DNM2: variants seen among roughly 807,000 people sequenced by gnomAD.
DNM2 encodes dynamin 2, also known as dynamin-2.
A neutral mutation model predicts 99.0 loss-of-function variants in DNM2; 15 were observed. The ratio of observed to expected loss-of-function variants is 0.15; its 90% CI spans 0.10 to 0.23. DNM2 has a LOEUF of 0.23. DNM2 is among the 10% of genes least tolerant of loss of function. DNM2 has a pLI of 1.00. For missense variants in DNM2, 742 were observed against 1,189.4 expected (o/e 0.62, Z 5.53); for synonymous variants, 525 against 481.2 (o/e 1.09, Z -1.19).
intron 1 of DNM2, among the ~76,000 whole-genome samples, chr19:10,720,221 T>A (rs1265063736): frequency 5.3e-5 from 8 of 150,536 alleles, no homozygotes; most frequent in East Asian, 1.9e-4. Context: ...TATTTATTTT[T>A]TTTTTTTTTG....
chr19:10,728,824 G>A (rs2069195008), intron 1 of DNM2, among the ~76,000 whole-genome samples: 1 of 151,738 alleles, frequency 6.6e-6, no homozygotes, highest in South Asian at 2.1e-4. Flanking sequence ...GTACTTGTCT[G>A]TCGTCCCAGC....
rs1167729247 is a variant in DNM2, at chr19:10,801,618, A to AC, written c.1423-670_1423-669insC. Reference sequence around the variant, plus strand: ...AAGTTCTTTTCTCAAAAAAAAAAAAAAAAAAAAGCCAGGCGCAGTGGCTCA... The same window carrying AC: ...AAGTTCTTTTCTCAAAAAAAAAAAAACAAAAAAAGCCAGGCGCAGTGGCTCA... On this transcript the variant is annotated intron_variant, in intron 11 of 20. Coordinates refer to ENST00000389253, the MANE Select transcript of DNM2 (RefSeq NM_001005361.3). Among the ~76,000 whole-genome samples, 87 of 151,104 alleles carry AC rather than the reference A, an allele frequency of 5.8e-4. 1 individual carries two copies. The highest frequency in any genetic ancestry group is 2.7e-4 in the Non-Finnish European group (18 of 67,740).
chr19:10,729,176 A>AAT (rs2069214871), intron 1 of DNM2, among the ~76,000 whole-genome samples: 1 of 125,304 alleles, frequency 8.0e-6, no homozygotes, highest in Non-Finnish European at 1.8e-5. Context: ...AAAAAAAAAA[A>AAT]AAAAAAAAAA....
At chr19:10,797,722 G>A (rs562411466) in intron 10 of DNM2, among the ~76,000 whole-genome samples, 3 of 152,182 alleles carry the variant, frequency 2.0e-5, no homozygotes, top group East Asian at 1.9e-4. Context: ...CCGTGGGGGC[G>A]GTCAGCCTTT....
In DNM2 at chr19:10,798,548, A is replaced by G; in HGVS notation, c.1398A>G (p.Glu466=). The change falls in exon 11 of 21, where the codon GAA becomes GAG. Residue 466 remains glutamate, a synonymous_variant. Transcript: ENST00000389253. ...GAATCGTCACCACTTACATCCGGGA[A>G]CGGGAGGGGAGAACGAAGGACCAGG... ...TERIVTTYIR[E]REGRTKDQIL... is the part of the protein sequence containing the mutation. The G allele has an allele frequency of 6.2e-7, 1 of 1,614,192 alleles. No individual in the cohort carries two copies. The highest frequency in any genetic ancestry group is 8.5e-7 in the Non-Finnish European group (1 of 1,180,022).
intron 7 of DNM2, among the ~76,000 whole-genome samples, chr19:10,786,929 A>G (rs1238044193): frequency 1.3e-5 from 2 of 152,246 alleles, no homozygotes; most frequent in African/African-American, 2.4e-5. Flanking sequence ...AATGGGGGGA[A>G]GTGGGACGAA....
At chr19:10,776,130 CCCATGTTG>C (rs2071146037) in intron 4 of DNM2, among the ~76,000 whole-genome samples, 1 of 152,120 alleles carries the variant, frequency 6.6e-6, no homozygotes, top group Non-Finnish European at 1.5e-5. Context: ...CATGGCAGTG[CCCATGTTG>C]CCAGAGTGGG....
rs746962793 is a variant in DNM2 at position 10,796,655 on chromosome 19, G to A, written c.1197-725G>A. 7.2e-4 allele frequency among the ~76,000 whole-genome samples: 109 copies of A among 152,174 alleles called. No individual in the cohort carries two copies. Among genetic ancestry groups the A allele is most frequent in the Non-Finnish European group, 6.5e-4 (44 of 68,020 alleles). ...TTCTCTGTCCCTCAGCTCCGGGAAT[G>A]GCCTGAATGCCAGCGACATCATGAG... On this transcript the variant is annotated intron_variant, in intron 9 of 20. Transcript: ENST00000389253. This position sits in a 1 kb window ranked among gnomAD's most constrained non-coding sequence, Gnocchi z 5.6.
chr19:10,817,437 G>A lies in DNM2; in HGVS notation c.1672-2543G>A, dbSNP rs1281197836. ...CTCACCCAAGCCCAGCCTAACCAAT[G>A]TGCAGACTACTGTACACATTGAGAG... On this transcript the variant is annotated intron_variant, in intron 15 of 20. Transcript: ENST00000389253. The surrounding 1 kb of genome is among the most constrained non-coding windows in gnomAD (Gnocchi z 4.6). 3.9e-6 allele frequency: 2 copies of A among 515,070 alleles called. No homozygotes were observed. The highest frequency in any genetic ancestry group is 8.0e-6 in the Non-Finnish European group (2 of 250,562). The allele number at this position is 515,070 out of a possible 1,614,324, so 31.9% of individuals were successfully genotyped here.
At chr19:10,730,666 G>GTAA (rs1381895544) in intron 1 of DNM2, among the ~76,000 whole-genome samples, 1 of 152,142 alleles carries the variant, frequency 6.6e-6, no homozygotes, top group Non-Finnish European at 1.5e-5. Context: ...TATATAAAGA[G>GTAA]TAATAACAGT....
intron 1 of DNM2, among the ~76,000 whole-genome samples, chr19:10,731,738 C>T (rs573538772): frequency 2.0e-5 from 3 of 152,334 alleles, no homozygotes; most frequent in African/African-American, 7.2e-5. Flanking sequence ...ACGAAGGCTT[C>T]CTGTGGTTTG....
At chr19:10,815,937 C>T (rs2072723496) in intron 15 of DNM2, among the ~76,000 whole-genome samples, 1 of 152,152 alleles carries the variant, frequency 6.6e-6, no homozygotes, top group Non-Finnish European at 1.5e-5. Flanking sequence ...AGAGGCGGGC[C>T]TCTTGGCTAT....
chr19:10,783,637 C>T (rs1222147682), intron 6 of DNM2, among the ~76,000 whole-genome samples: 1 of 151,390 alleles, frequency 6.6e-6, no homozygotes, highest in Non-Finnish European at 1.5e-5. Context: ...GTATGCATTG[C>T]CTGGGGTTGG....
chr19:10,762,639 CG>C (rs2070672274), intron 2 of DNM2, among the ~76,000 whole-genome samples: 1 of 152,212 alleles, frequency 6.6e-6, no homozygotes, highest in Non-Finnish European at 1.5e-5. Flanking sequence ...CCCGGATGAA[CG>C]ATGATGGGTT....
intron 12 of DNM2, among the ~76,000 whole-genome samples, chr19:10,804,177 G>A (rs2072256923): frequency 6.6e-6 from 1 of 152,124 alleles, no homozygotes; most frequent in South Asian, 2.1e-4. Flanking sequence ...CCAGGCCCAG[G>A]AGAGGGGCCA....
At chr19:10,810,809 C>G (rs1181394111) in intron 14 of DNM2, 2 of 152,428 alleles carry the variant, frequency 1.3e-5, no homozygotes, top group Non-Finnish European at 2.9e-5. Flanking sequence ...GTGCCCAGCT[C>G]TGGGCTGAGA....
intron 17 of DNM2, chr19:10,824,176 A>G (rs2073072113): frequency 2.1e-6 from 1 of 470,152 alleles, no homozygotes; most frequent in Non-Finnish European, 3.9e-6. Context: ...CCTGAGGTAG[A>G]GTGAACATGG....
intron 7 of DNM2, among the ~76,000 whole-genome samples, chr19:10,792,101 CAAA>C (rs202056521): frequency 6.6e-6 from 1 of 151,664 alleles, no homozygotes; most frequent in Admixed American, 6.6e-5. Context: ...AAACAAAAAA[CAAA>C]AAAAACAAAT....
chr19:10,746,115 C>T (rs1189940546), intron 1 of DNM2, among the ~76,000 whole-genome samples: 1 of 152,110 alleles, frequency 6.6e-6, no homozygotes, highest in Non-Finnish European at 1.5e-5. Flanking sequence ...CACGCCACCA[C>T]ACCCCACTAA....
Sources: allele counts gnomAD v4.1 joint callset (sites outside exome capture counted in the v4.1 genomes callset), GRCh38; gene constraint gnomAD v4.1.1; non-coding constraint Gnocchi (gnomAD v3.1); transcripts MANE v1.5; gene names NCBI Gene and HGNC (gene_info 2026-07-23, HGNC 2026-07-21).